IRF8: variants seen among roughly 807,000 people sequenced by gnomAD.
IRF8 encodes the protein interferon regulatory factor 8.
A neutral mutation model predicts 48.7 loss-of-function variants in IRF8; 14 were observed. The ratio of observed to expected loss-of-function variants is 0.29; its 90% CI spans 0.19 to 0.45. The LOEUF (loss-of-function observed/expected upper bound fraction) is 0.45, where lower values mean the gene tolerates loss of function less well. Ranked by LOEUF, IRF8 falls within the 20% of genes least tolerant of loss-of-function variation. The probability of loss-of-function intolerance (pLI) is 1.00; values close to 1 mark genes in which losing one functional copy is unlikely to be tolerated. For missense variants in IRF8, 493 were observed against 580.7 expected (o/e 0.85, Z 1.55); for synonymous variants, 278 against 227.3 (o/e 1.22, Z -2.01).
In IRF8 at chr16:85,914,535, G is replaced by A. The variant is rs764429079; in HGVS notation, c.601+15G>A. On this transcript the variant is annotated intron_variant, in intron 6 of 8. Coordinates refer to ENST00000268638, the MANE Select transcript of IRF8 (RefSeq NM_002163.4). ...GCACCATTCAGGTACGGGGTGGTCC[G>A]GGCTGAGAGGGGCGTGGGCACTGTT... The A allele has an allele frequency of 6.8e-6, 11 of 1,613,810 alleles. No individual in the cohort carries two copies. Among genetic ancestry groups the A allele is most frequent in the African/African-American group, 2.7e-5 (2 of 74,916 alleles).
intron 2 of IRF8, among the ~76,000 whole-genome samples, chr16:85,905,441 G>A (rs1269321322): frequency 2.0e-5 from 3 of 152,238 alleles, no homozygotes; most frequent in African/African-American, 4.8e-5. Context: ...TGAGAAAAAT[G>A]TGCAAGATTC....
At chr16:85,910,783 A>G (rs1011597950) in intron 3 of IRF8, among the ~76,000 whole-genome samples, 2 of 152,244 alleles carry the variant, frequency 1.3e-5, no homozygotes, top group Non-Finnish European at 2.9e-5. Flanking sequence ...CCCCATCAGT[A>G]GCTTCTCAGT....
chr16:85,906,377 G>T (rs1048846883), intron 2 of IRF8, among the ~76,000 whole-genome samples: 22 of 152,198 alleles, frequency 1.4e-4, no homozygotes, highest in African/African-American at 5.3e-4. Context: ...CTCATGTCTA[G>T]TTTTTGCTCT....
At chr16:85,918,270 G>A (rs928039207) in intron 6 of IRF8, 147 bp from the exon 7 acceptor site, 10 of 855,690 alleles carry the variant, frequency 1.2e-5, no homozygotes, top group African/African-American at 3.4e-5. Flanking sequence ...ACTTCTACAA[G>A]CAGTACATGG....
At chr16:85,914,008 G>A (rs544733904) in intron 5 of IRF8, 23 of 205,534 alleles carry the variant, frequency 1.1e-4, no homozygotes, top group African/African-American at 5.1e-4. Context: ...TGGCCCCGGA[G>A]GCCTTGAAGG....
chr16:85,914,207 C>CAGTGTCACATTGA (rs1473108123), intron 5 of IRF8: 3 of 520,830 alleles, frequency 5.8e-6, no homozygotes, highest in Non-Finnish European at 1.0e-5. Context: ...TGTGGCCCCA[C>CAGTGTCACATTGA]AGTGTCACAT....
chr16:85,906,331 TGCTG>T (rs1389630582), intron 2 of IRF8, among the ~76,000 whole-genome samples: 4 of 152,172 alleles, frequency 2.6e-5, no homozygotes, highest in African/African-American at 9.7e-5. Context: ...TAGTGACTGT[TGCTG>T]GCGGCAGGGG....
chr16:85,914,599 G>C (rs748045652), intron 6 of IRF8, 79 bp downstream of exon 6: 100 of 1,540,422 alleles, frequency 6.5e-5, no homozygotes, highest in Non-Finnish European at 8.1e-5. Flanking sequence ...GGGTTGCGGG[G>C]TTTCGAGGAT....
chr16:85,913,400 C>T, intron 5 of IRF8, 164 bp downstream of exon 5: 1 of 654,104 alleles, frequency 1.5e-6, no homozygotes, highest in Non-Finnish European at 2.8e-6. Flanking sequence ...GGTTTCCCAA[C>T]ATGAGGGCAG....
intron 3 of IRF8, chr16:85,909,586 A>G (rs768757300): frequency 1.2e-5 from 3 of 255,616 alleles, no homozygotes; most frequent in Non-Finnish European, 2.3e-5. Context: ...AGATGGCACC[A>G]TGGCCTTCGT....
Position 85,921,556 on chromosome 16 carries a change from T to A in IRF8, c.*274T>A. 2.1e-6 allele frequency: 1 copy of A among 468,188 alleles called. No homozygotes were observed. The highest frequency in any genetic ancestry group is 3.9e-6 in the Non-Finnish European group (1 of 255,234). The allele number at this position is 468,188 out of a possible 1,614,324, so 29.0% of individuals were successfully genotyped here. On this transcript the variant is annotated 3_prime_UTR_variant, in exon 9 of 9. Coordinates refer to ENST00000268638, the MANE Select transcript of IRF8 (RefSeq NM_002163.4). ...TCCTTTACCCGTCATTATCATTAGT[T>A]GCTATGATTCTTTCTGCATTTTCGG...
Position 85,903,020 on chromosome 16 carries a change from G to A in IRF8, c.5G>A (p.Cys2Tyr). Residue 2 changes from cysteine (C) to tyrosine (Y), a missense_variant, in exon 2 of 9, where the codon TGT becomes TAT. Physicochemically the swap from Cys to Tyr is radical, Grantham distance 194. Transcript: ENST00000268638. ...TGTATTTCTGTCTTTCCAAGGATGT[G>A]TGACCGGAATGGTGGTCGGCGGCTT... M[C>Y]DRNGGRRLRQ... 1 of 1,614,144 alleles carries A rather than the reference G, an allele frequency of 6.2e-7. No homozygotes were observed. The highest frequency in any genetic ancestry group is 1.3e-5 in the African/African-American group (1 of 75,056).
At chr16:85,906,755 T>G (rs757086913) in intron 2 of IRF8, among the ~76,000 whole-genome samples, 8 of 152,158 alleles carry the variant, frequency 5.3e-5, no homozygotes, top group Non-Finnish European at 1.2e-4. Context: ...GTATCATGAT[T>G]TACCCTCCAG....
chr16:85,919,644 T>G (rs1220593482), intron 7 of IRF8, among the ~76,000 whole-genome samples: 1 of 152,240 alleles, frequency 6.6e-6, no homozygotes, highest in Non-Finnish European at 1.5e-5. Flanking sequence ...TCCATGGGTC[T>G]GAGGCGGGGC....
rs573718152 is a variant in IRF8 at position 85,915,346 on chromosome 16, T to A, written c.601+826T>A. Among the ~76,000 whole-genome samples the A allele has an allele frequency of 5.3e-5, 8 of 152,328 alleles. No homozygotes were observed. In the South Asian group the frequency reaches 1.7e-3, roughly 32 times the overall value. ...TCTCATCAGATGGGCCACAGAACGT[T>A]AGGGCTGGGCCTCTGGGCAGGGGAG... On this transcript the variant is annotated intron_variant, in intron 6 of 8. Transcript: ENST00000268638.
intron 5 of IRF8, 85 bp from the exon 6 acceptor site, chr16:85,914,388 G>T (rs1905233241): frequency 5.9e-6 from 9 of 1,534,084 alleles, no homozygotes; most frequent in Middle Eastern, 1.7e-4. Context: ...CCTTTTAAGG[G>T]ACTTTTGGAG....
chr16:85,920,061 G>C, intron 7 of IRF8, 48 bp from the exon 8 acceptor site: 1 of 1,367,204 alleles, frequency 7.3e-7, no homozygotes, highest in South Asian at 1.2e-5. Context: ...GGGAGTTGGA[G>C]GTCATCTCGG....
chr16:85,914,804 G>A (rs1905251497), intron 6 of IRF8, among the ~76,000 whole-genome samples: 1 of 152,154 alleles, frequency 6.6e-6, no homozygotes, highest in Non-Finnish European at 1.5e-5. Flanking sequence ...GGAAGTCTAG[G>A]CCCGGTTCTG....
intron 4 of IRF8, among the ~76,000 whole-genome samples, chr16:85,911,953 G>A (rs1043813588): frequency 6.6e-6 from 1 of 152,206 alleles, no homozygotes; most frequent in Admixed American, 6.5e-5. Flanking sequence ...CAAACTGTTC[G>A]AACACTTTGG....
Sources: gnomAD v4.1 joint callset for allele counts (sites outside exome capture counted in the v4.1 genomes callset) on GRCh38, gnomAD v4.1.1 for gene constraint, MANE v1.5 for transcripts, NCBI Gene and HGNC (gene_info 2026-07-23, HGNC 2026-07-21) for gene names.